Variants in SCUBE1 observed in about 807,000 individuals in gnomAD.
The protein encoded by SCUBE1 is signal peptide, CUB and EGF-like domain-containing protein 1.
Under a neutral mutation model 124.4 loss-of-function variants are expected in SCUBE1, and 59 were observed. The observed-to-expected ratio is 0.47, with a 90% confidence interval of 0.38 to 0.59. The LOEUF (loss-of-function observed/expected upper bound fraction) is 0.59, where lower values mean the gene tolerates loss of function less well. Ranked by LOEUF, SCUBE1 falls within the 20% of genes least tolerant of loss-of-function variation. The pLI, the probability that SCUBE1 is intolerant of heterozygous loss-of-function variation, is 0.00. For missense variants in SCUBE1, 1,150 were observed against 1,371.2 expected, an observed-to-expected ratio of 0.84 and a Z score of 2.55; for synonymous variants, 545 against 550.9, an observed-to-expected ratio of 0.99 and a Z score of 0.15.
Position 43,201,441 on chromosome 22 carries a change from G to C in SCUBE1, c.*2556C>G, listed in dbSNP as rs1256371888. 1 of 152,142 alleles carries C rather than the reference G, an allele frequency of 6.6e-6. No individual in the cohort carries two copies. Among genetic ancestry groups the C allele is most frequent in the Non-Finnish European group, 1.5e-5 (1 of 68,060 alleles). 9.4% of individuals were successfully genotyped at this position (152,142 alleles called of 1,614,324 possible). On this transcript the variant is annotated 3_prime_UTR_variant, in exon 22 of 22. Transcript: ENST00000360835. ...TGGGTGAACGGATACCCAGCTAGCT[G>C]GGAAAACATGCTAGGGTGTTTCCAG...
intron 3 of SCUBE1, among the ~76,000 whole-genome samples, chr22:43,315,942 T>G (rs1320410821): frequency 2.0e-5 from 3 of 152,084 alleles, no homozygotes; most frequent in African/African-American, 7.2e-5. Flanking sequence ...AAACAGGTGG[T>G]TCTGCACAGG....
At chr22:43,228,040 G>A (rs903394631) in intron 9 of SCUBE1, among the ~76,000 whole-genome samples, 1 of 152,178 alleles carries the variant, frequency 6.6e-6, no homozygotes, top group Non-Finnish European at 1.5e-5. Context: ...CCAGGGAAGG[G>A]GTGCCCAAGT....
chr22:43,279,694 C>T (rs536781955), intron 4 of SCUBE1, among the ~76,000 whole-genome samples: 1 of 152,350 alleles, frequency 6.6e-6, no homozygotes, highest in South Asian at 2.1e-4. Context: ...CTCCTGGGCT[C>T]CCACAGCCCC....
chr22:43,275,696 T>A (rs184174060), intron 4 of SCUBE1, among the ~76,000 whole-genome samples: 1 of 151,906 alleles, frequency 6.6e-6, no homozygotes, highest in Non-Finnish European at 1.5e-5. Context: ...GGGAGGGGAA[T>A]GGGAAATGGC....
chr22:43,337,141 A>C (rs1927109362), intron 2 of SCUBE1, among the ~76,000 whole-genome samples: 1 of 152,126 alleles, frequency 6.6e-6, no homozygotes, highest in Admixed American at 6.5e-5. Context: ...AGGACAAAAC[A>C]ATTTCCTTTT....
intron 6 of SCUBE1, among the ~76,000 whole-genome samples, chr22:43,243,878 GA>G (rs2146691223): frequency 6.6e-6 from 1 of 152,332 alleles, no homozygotes; most frequent in African/African-American, 2.4e-5. Context: ...GCCATTCTTG[GA>G]AGCTCTGCCT....
rs537263847 is a variant in SCUBE1 at position 43,251,309 on chromosome 22, A to G, written c.727+6910T>C. Among the ~76,000 whole-genome samples, 18 of 152,302 alleles carry G rather than the reference A, an allele frequency of 1.2e-4. No homozygotes were observed. In the East Asian group the frequency reaches 3.5e-3, roughly 29 times the overall value. ...CTGGGGCTCAGCCAGTGAAAAGGGC[A>G]GGTGTGGGCTCTGCCCTAACGGAGG... On this transcript the variant is annotated intron_variant, in intron 6 of 21. Transcript: ENST00000360835.
intron 4 of SCUBE1, among the ~76,000 whole-genome samples, chr22:43,290,828 C>T (rs748295469): frequency 1.4e-4 from 22 of 152,208 alleles, no homozygotes; most frequent in Non-Finnish European, 2.4e-4. Flanking sequence ...CATATAAACA[C>T]GAGAAACACC....
At chr22:43,304,142 C>T (rs1467369685) in intron 3 of SCUBE1, among the ~76,000 whole-genome samples, 2 of 152,234 alleles carry the variant, frequency 1.3e-5, no homozygotes, top group Non-Finnish European at 2.9e-5. Flanking sequence ...TTTTGTTTCT[C>T]ATGACTCCCT....
At chr22:43,300,041 G>A (rs574719006) in intron 3 of SCUBE1, among the ~76,000 whole-genome samples, 35 of 152,198 alleles carry the variant, frequency 2.3e-4, no homozygotes, top group Non-Finnish European at 4.1e-4. Context: ...ATGGACATCC[G>A]GGTTGTGCTG....
intron 4 of SCUBE1, among the ~76,000 whole-genome samples, chr22:43,264,616 G>A (rs1023711056): frequency 6.6e-6 from 1 of 152,238 alleles, no homozygotes; most frequent in African/African-American, 2.4e-5. Context: ...GACCGTTACT[G>A]ACAGCTGTTG....
chr22:43,293,978 C>T (rs5996306), intron 3 of SCUBE1, among the ~76,000 whole-genome samples: 21,817 of 152,258 alleles, frequency 0.14, 1,872 homozygotes, highest in African/African-American at 0.23. Flanking sequence ...CATCTACAAA[C>T]CCTCAGTGAC....
chr22:43,229,139 G>C lies in SCUBE1; in HGVS notation c.1017C>G (p.Asn339Lys), dbSNP rs764796373. 1 of 1,613,916 alleles carries C rather than the reference G, an allele frequency of 6.2e-7. No homozygotes were observed. Among genetic ancestry groups the C allele is most frequent in the Admixed American group, 1.7e-5 (1 of 60,024 alleles). Residue 339 changes from asparagine to lysine, a missense_variant, in exon 9 of 22, where the codon AAC (asparagine) becomes AAG (lysine). By Grantham distance (94) the Asn-to-Lys change is moderately conservative. Around this residue, in one of 3 missense-constraint regions of SCUBE1, gnomAD observed 337 missense variants for 482.1 expected, o/e 0.70. Transcript: ENST00000360835. ...FERTCDHICI[N>K]SPGSFQCLCH... Reference sequence around the variant, plus strand: ...ACAGGCACTGGAAGCTGCCCGGGGAGTTGATGCAGATGTGGTCACAGGTCC... The same window carrying C: ...ACAGGCACTGGAAGCTGCCCGGGGACTTGATGCAGATGTGGTCACAGGTCC...
At chr22:43,223,636 G>A (rs1429187581) in intron 10 of SCUBE1, among the ~76,000 whole-genome samples, 2 of 152,208 alleles carry the variant, frequency 1.3e-5, no homozygotes, top group Non-Finnish European at 2.9e-5. Flanking sequence ...GCCATCAGGT[G>A]TCTGGAGAAA....
rs1373079980 is a variant in SCUBE1, at chr22:43,234,213, C to T, written c.845-2338G>A. ...TAGATAGAAGTCTCAGGTAGAAGAA[C>T]AGAGGCCCATCTTGACTCTGCCTCA... On this transcript the variant is annotated intron_variant, in intron 7 of 21. Transcript: ENST00000360835. This position sits in a 1 kb window ranked among gnomAD's most constrained non-coding sequence, Gnocchi z 4.4. Among the ~76,000 whole-genome samples the T allele has an allele frequency of 6.6e-6, 1 of 152,166 alleles. No individual in the cohort carries two copies. Among genetic ancestry groups the T allele is most frequent in the African/African-American group, 2.4e-5 (1 of 41,434 alleles).
chr22:43,226,925 G>C (rs1922341551), intron 10 of SCUBE1, among the ~76,000 whole-genome samples: 1 of 152,114 alleles, frequency 6.6e-6, no homozygotes, highest in Admixed American at 6.5e-5. Context: ...CCCTGCAACT[G>C]TGCCCCACTG....
intron 6 of SCUBE1, among the ~76,000 whole-genome samples, chr22:43,253,417 C>T (rs939670481): frequency 6.6e-5 from 10 of 152,084 alleles, no homozygotes; most frequent in African/African-American, 2.2e-4. Context: ...CCCTTTGCTT[C>T]GTGTTGGAGG....
In SCUBE1 at chr22:43,329,720, C is replaced by G. The variant is rs375315266; in HGVS notation, c.220+9384G>C. Reference sequence around the variant, plus strand: ...GCTGCAGCCCTGGCCCATCTGGAAGCCTGTCTTGGAGCACCCTCTGAGACC... The same window carrying G: ...GCTGCAGCCCTGGCCCATCTGGAAGGCTGTCTTGGAGCACCCTCTGAGACC... On this transcript the variant is annotated intron_variant, in intron 2 of 21. Coordinates refer to ENST00000360835, the MANE Select transcript of SCUBE1 (RefSeq NM_173050.5). Among the ~76,000 whole-genome samples, 75 of 152,336 alleles carry G rather than the reference C, an allele frequency of 4.9e-4. No homozygotes were observed. The South Asian group carries it at 0.014, about 29-fold the overall frequency.
intron 6 of SCUBE1, among the ~76,000 whole-genome samples, chr22:43,244,435 T>C (rs1923126358): frequency 6.6e-6 from 1 of 152,188 alleles, no homozygotes; most frequent in African/African-American, 2.4e-5. Flanking sequence ...ATGACTAGAT[T>C]AATGAGCAGG....
Sources: allele counts gnomAD v4.1 joint callset (sites outside exome capture counted in the v4.1 genomes callset), GRCh38; gene constraint gnomAD v4.1.1; regional missense constraint gnomAD v4.1.1; non-coding constraint Gnocchi (gnomAD v3.1); transcripts MANE v1.5; gene names NCBI Gene and HGNC (gene_info 2026-07-23, HGNC 2026-07-21).